LRRC53: variants seen among roughly 807,000 people sequenced by gnomAD.
LRRC53 encodes leucine rich repeat containing 53.
LRRC53 carries 25 observed loss-of-function variants against 13.6 expected under a neutral mutation model. That is an observed-to-expected ratio of 1.83 (90% CI 1.34 to 2.56). The LOEUF is 2.56. LRRC53 is among the 30% of genes most tolerant of loss of function. The probability of loss-of-function intolerance (pLI) is 0.00; values close to 1 mark genes in which losing one functional copy is unlikely to be tolerated. For missense variants in LRRC53, 527 were observed against 275.8 expected, an observed-to-expected ratio of 1.91 and a Z score of -6.45; for synonymous variants, 204 against 109.8, an observed-to-expected ratio of 1.86 and a Z score of -5.37.
chr1:74,532,052 G>A, the LRRC53 span, among the ~76,000 whole-genome samples: 1 of 152,178 alleles, frequency 6.6e-6, no homozygotes, highest in South Asian at 2.1e-4. Context: ...TAATCACACT[G>A]ATAACCTAAT....
intron 1 of LRRC53, among the ~76,000 whole-genome samples, chr1:74,485,386 T>G (rs1260522990): frequency 6.6e-6 from 1 of 152,154 alleles, no homozygotes; most frequent in African/African-American, 2.4e-5. Flanking sequence ...GTCGGCCTCA[T>G]GGATGTGTGG....
intron 3 of LRRC53, among the ~76,000 whole-genome samples, chr1:74,479,273 A>G (rs1460104449): frequency 6.6e-6 from 1 of 152,208 alleles, no homozygotes; most frequent in Non-Finnish European, 1.5e-5. Context: ...AATCTCATGC[A>G]TCTTTGGTCT....
intron 1 of LRRC53, among the ~76,000 whole-genome samples, chr1:74,499,139 T>G (rs1049378719): frequency 4.6e-5 from 7 of 152,160 alleles, no homozygotes; most frequent in African/African-American, 1.4e-4. Context: ...ACAACCAGCA[T>G]GCATTTCCCT....
chr1:74,519,691 C>A, the LRRC53 span, among the ~76,000 whole-genome samples: 2 of 152,068 alleles, frequency 1.3e-5, no homozygotes, highest in Non-Finnish European at 2.9e-5. Context: ...AAAATAACCC[C>A]ACAGAATATA....
chr1:74,491,984 T>C, intron 1 of LRRC53: 1 of 1,355,554 alleles, frequency 7.4e-7, no homozygotes, highest in Non-Finnish European at 9.7e-7. Context: ...GCTGAGTGAA[T>C]AGAAATTAAA....
chr1:74,471,582 GC>G lies in LRRC53; in HGVS notation c.2039del (p.Ser680ThrfsTer19). 1 of 400,616 alleles carries G rather than the reference GC, an allele frequency of 2.5e-6. No individual in the cohort carries two copies. Among genetic ancestry groups the G allele is most frequent in the African/African-American group, 2.1e-5 (1 of 48,754 alleles). 24.8% of individuals were successfully genotyped at this position (400,616 alleles called of 1,614,324 possible). On this transcript the variant is annotated frameshift_variant, in exon 5 of 5. Coordinates refer to ENST00000294635, the MANE Select transcript of LRRC53 (RefSeq NM_001382280.1). LOFTEE classifies it low-confidence loss of function (END_TRUNC). ...CTCCTTTGTTTCTCTCCCCAGTGTT[GC>G]TAAATTTTTTAACATCCAACTTAGT... ...QLTKLDVKKFSNTGERNKGEK... is the reference protein window; with the variant it reads ...QLTKLDVKKFXNTGERNKGEK...
the LRRC53 span, among the ~76,000 whole-genome samples, chr1:74,532,922 G>A: frequency 2.0e-5 from 3 of 152,062 alleles, no homozygotes; most frequent in East Asian, 1.9e-4. Context: ...ATTCAAGATG[G>A]ATTAAAGACT....
chr1:74,536,888 G>A, the LRRC53 span, among the ~76,000 whole-genome samples: 7 of 152,134 alleles, frequency 4.6e-5, no homozygotes, highest in African/African-American at 1.2e-4. Flanking sequence ...TCAGCAAATA[G>A]AGGTCCTGAT....
At chr1:74,479,294 A>G (rs1668359095) in intron 3 of LRRC53, among the ~76,000 whole-genome samples, 1 of 152,212 alleles carries the variant, frequency 6.6e-6, no homozygotes, top group African/African-American at 2.4e-5. Flanking sequence ...TCAACTAATG[A>G]CACTAAGTGT....
chr1:74,520,151 C>T, the LRRC53 span, among the ~76,000 whole-genome samples: 1 of 17,252 alleles, frequency 5.8e-5, no homozygotes, highest in African/African-American at 1.3e-4. Flanking sequence ...TCCCATACCC[C>T]CTTTCCACCC....
At chr1:74,492,086 C>A (rs1467185406) in intron 1 of LRRC53, 1 of 1,518,646 alleles carries the variant, frequency 6.6e-7, no homozygotes, top group South Asian at 1.3e-5. Context: ...AATTGCCCCT[C>A]CTCCACTCAG....
chr1:74,506,387 C>G (rs1353196105), intron 1 of LRRC53, among the ~76,000 whole-genome samples: 2 of 152,148 alleles, frequency 1.3e-5, no homozygotes, highest in African/African-American at 2.4e-5. Context: ...AACTAGTAAA[C>G]AGCAGGGCCA....
At chr1:74,475,915 T>G (rs1378833495) in intron 3 of LRRC53, 105 bp from the exon 4 acceptor site, 1 of 486,274 alleles carries the variant, frequency 2.1e-6, no homozygotes, top group East Asian at 3.1e-5. Flanking sequence ...TTGAAAGATA[T>G]CAGAATGGGT....
At chr1:74,536,540 T>C in the LRRC53 span, among the ~76,000 whole-genome samples, 1 of 152,170 alleles carries the variant, frequency 6.6e-6, no homozygotes, top group African/African-American at 2.4e-5. Flanking sequence ...TATTTATGTA[T>C]ACATCATGGA....
chr1:74,532,697 G>T, the LRRC53 span, among the ~76,000 whole-genome samples: 2 of 151,618 alleles, frequency 1.3e-5, no homozygotes, highest in Admixed American at 6.6e-5. Flanking sequence ...AAACAGCATG[G>T]TACTGGTACC....
rs57824876 is a variant in LRRC53, at chr1:74,498,940, G to A, written c.-27+13586C>T. Among the ~76,000 whole-genome samples the A allele has an allele frequency of 1.4e-3, 213 of 152,106 alleles. 2 individuals carry two copies. The highest frequency in any genetic ancestry group is 4.8e-3 in the African/African-American group (198 of 41,492). ...TTCATGTGCAGAGCATTAATATGACGCTTATTTTAGCATGAAATAAAAGCA... is the reference window on the plus strand; with the variant it reads ...TTCATGTGCAGAGCATTAATATGACACTTATTTTAGCATGAAATAAAAGCA... On this transcript the variant is annotated intron_variant, in intron 1 of 4. Transcript: ENST00000294635.
intron 1 of LRRC53, among the ~76,000 whole-genome samples, chr1:74,498,521 C>T (rs1192429060): frequency 6.6e-6 from 1 of 151,920 alleles, no homozygotes; most frequent in Non-Finnish European, 1.5e-5. Context: ...TATTTAATTG[C>T]ATGTGGTGAA....
At chr1:74,528,442 T>C in the LRRC53 span, among the ~76,000 whole-genome samples, 2 of 151,982 alleles carry the variant, frequency 1.3e-5, no homozygotes, top group African/African-American at 4.8e-5. Context: ...TCTGCATGGG[T>C]GTGGGATATT....
At chr1:74,516,964 T>G (rs1026973693), upstream of LRRC53, among the ~76,000 whole-genome samples, 1 of 152,160 alleles carries the variant, frequency 6.6e-6, no homozygotes, top group African/African-American at 2.4e-5. Context: ...AAAAGAAATA[T>G]TTACAGTCAT....
Sources: gnomAD v4.1 joint callset for allele counts (sites outside exome capture counted in the v4.1 genomes callset) on GRCh38, gnomAD v4.1.1 for gene constraint, MANE v1.5 for transcripts, NCBI Gene and HGNC (gene_info 2026-07-23, HGNC 2026-07-21) for gene names.